MIPOL1: variants seen among roughly 807,000 people sequenced by gnomAD.
MIPOL1 encodes the protein mirror-image polydactyly gene 1 protein.
MIPOL1 carries 57 observed loss-of-function variants against 60.9 expected under a neutral mutation model. The observed-to-expected ratio is 0.94, with a 90% CI of 0.76 to 1.17. MIPOL1 has a LOEUF of 1.17. Among genes scored for constraint, MIPOL1 ranks in the 50% most tolerant of loss-of-function variants. The pLI is 0.00. For missense variants in MIPOL1, 551 were observed against 511.6 expected, an observed-to-expected ratio of 1.08 and a Z score of -0.74; for synonymous variants, 179 against 168.8, an observed-to-expected ratio of 1.06 and a Z score of -0.47.
chr14:37,521,117 A>G (rs1277274221), intron 12 of MIPOL1, among the ~76,000 whole-genome samples: 1 of 151,574 alleles, frequency 6.6e-6, no homozygotes, highest in Non-Finnish European at 1.5e-5. Flanking sequence ...TTGTATTTTT[A>G]GTAGAGACAA....
intron 12 of MIPOL1, among the ~76,000 whole-genome samples, chr14:37,519,253 T>G (rs2095394444): frequency 6.6e-6 from 1 of 152,132 alleles, no homozygotes; most frequent in South Asian, 2.1e-4. Context: ...GACATAGGGA[T>G]TTAGGATAGC....
chr14:37,286,959 A>C (rs1264409307), intron 7 of MIPOL1, among the ~76,000 whole-genome samples: 1 of 152,148 alleles, frequency 6.6e-6, no homozygotes, highest in Non-Finnish European at 1.5e-5. Flanking sequence ...AAATCAATTC[A>C]TTCTCTATAT....
At chr14:37,427,165 G>A (rs2093981414) in intron 11 of MIPOL1, among the ~76,000 whole-genome samples, 1 of 152,168 alleles carries the variant, frequency 6.6e-6, no homozygotes, top group African/African-American at 2.4e-5. Flanking sequence ...CCACCCAAGT[G>A]TCCCTCAGCA....
At chr14:37,496,957 T>C (rs1475256399) in intron 11 of MIPOL1, among the ~76,000 whole-genome samples, 2 of 151,624 alleles carry the variant, frequency 1.3e-5, no homozygotes, top group Admixed American at 6.6e-5. Flanking sequence ...AACAGAGATA[T>C]AGATCAATGG....
chr14:37,308,691 C>T (rs573694018), intron 9 of MIPOL1, among the ~76,000 whole-genome samples, 172 bp downstream of exon 9: 14 of 152,194 alleles, frequency 9.2e-5, no homozygotes, highest in Admixed American at 5.2e-4. Flanking sequence ...TATTATACTA[C>T]TGTTCAAAAT....
chr14:37,534,078 CAAAAAAA>C (rs564604002), intron 12 of MIPOL1, among the ~76,000 whole-genome samples: 2 of 69,468 alleles, frequency 2.9e-5, no homozygotes, highest in Admixed American at 1.6e-4. Flanking sequence ...GACTCCATCT[CAAAAAAA>C]AAAAAAAAAA....
chr14:37,256,624 T>C (rs1381012996), intron 3 of MIPOL1, among the ~76,000 whole-genome samples: 2 of 151,946 alleles, frequency 1.3e-5, no homozygotes, highest in African/African-American at 4.8e-5. Context: ...ATTGCTTATA[T>C]TTTATAATCA....
At chr14:37,216,638 A>G (rs1001844219) in intron 1 of MIPOL1, among the ~76,000 whole-genome samples, 6 of 152,226 alleles carry the variant, frequency 3.9e-5, no homozygotes. Flanking sequence ...TGAATTTTGG[A>G]AACTGGACAA....
At chr14:37,501,025 A>T (rs2095208129) in intron 12 of MIPOL1, among the ~76,000 whole-genome samples, 1 of 152,304 alleles carries the variant, frequency 6.6e-6, no homozygotes, top group East Asian at 1.9e-4. Flanking sequence ...TTATTTGAAA[A>T]TGTCATCTTG....
rs575723732 is a variant in MIPOL1 at position 37,512,631 on chromosome 14, C to G, written c.1262+12493C>G. Among the ~76,000 whole-genome samples the G allele has an allele frequency of 2.6e-5, 4 of 151,860 alleles. No homozygotes were observed. In the East Asian group the frequency reaches 5.8e-4, roughly 22 times the overall value. On this transcript the variant is annotated intron_variant, in intron 12 of 12. Coordinates refer to ENST00000684589, the MANE Select transcript of MIPOL1 (RefSeq NM_001388067.1). The stretch of plus-strand genomic sequence containing the variant: ...GAATTTTTTTTTATAATTTCATTGT[C>G]TTTTCATTAAAATTATTCTAGTTCT...
intron 12 of MIPOL1, among the ~76,000 whole-genome samples, chr14:37,545,437 G>T (rs562718317): frequency 6.6e-6 from 1 of 152,282 alleles, no homozygotes; most frequent in Middle Eastern, 3.4e-3. Context: ...AGACTAATCT[G>T]AGAATACAGT....
intron 11 of MIPOL1, among the ~76,000 whole-genome samples, chr14:37,484,474 A>G (rs2094917906): frequency 6.6e-6 from 1 of 150,836 alleles, no homozygotes; most frequent in South Asian, 2.1e-4. Flanking sequence ...AGTAGCTGGG[A>G]CTACAGGAGT....
chr14:37,469,203 C>T (rs1344204656), intron 11 of MIPOL1, among the ~76,000 whole-genome samples: 1 of 152,096 alleles, frequency 6.6e-6, no homozygotes, highest in African/African-American at 2.4e-5. Context: ...CACAGTTCTG[C>T]AGGCTGTGTA....
chr14:37,384,110 T>A (rs2153513354), intron 10 of MIPOL1, among the ~76,000 whole-genome samples: 1 of 152,032 alleles, frequency 6.6e-6, no homozygotes, highest in East Asian at 1.9e-4. Flanking sequence ...CAGAGTATAG[T>A]GGACTCAGTT....
At chr14:37,255,298 C>G (rs1353204114) in intron 3 of MIPOL1, among the ~76,000 whole-genome samples, 1 of 151,660 alleles carries the variant, frequency 6.6e-6, no homozygotes, top group Non-Finnish European at 1.5e-5. Context: ...TTTAGGAGAC[C>G]TGGATCAATA....
At chr14:37,223,499 T>TTTTG (rs891571574) in intron 1 of MIPOL1, among the ~76,000 whole-genome samples, 7 of 151,958 alleles carry the variant, frequency 4.6e-5, no homozygotes, top group Non-Finnish European at 8.8e-5. Flanking sequence ...CTCCTGGGTT[T>TTTTG]TTTGTTTGTT....
chr14:37,499,773 A>G (rs1253578948), intron 11 of MIPOL1, 135 bp from the exon 12 acceptor site: 1 of 487,034 alleles, frequency 2.1e-6, no homozygotes, highest in Non-Finnish European at 3.7e-6. Context: ...TGACATAAAA[A>G]TTATTTTCAT....
intron 12 of MIPOL1, among the ~76,000 whole-genome samples, chr14:37,536,922 A>G (rs191417949): frequency 4.3e-4 from 66 of 152,346 alleles, no homozygotes; most frequent in Admixed American, 1.3e-3. Flanking sequence ...CAATGTGTAC[A>G]TAAGTATTGA....
rs781145467 is a variant in MIPOL1, at chr14:37,422,901, A to G, written c.983A>G (p.Gln328Arg). Residue 328 changes from glutamine to arginine, a missense_variant, in exon 11 of 13, where the codon CAG becomes CGG. Gln to Arg is a conservative substitution (Grantham distance 43, BLOSUM62 1). Transcript: ENST00000684589. The part of the protein sequence containing the change: ...MQQARETAVQ[Q>R]YKKLEEEIQT... The stretch of plus-strand genomic sequence containing the variant: ...CAAGCCAGAGAAACTGCAGTTCAAC[A>G]GTACAAAAAACTGGAAGAGGAAATC... The G allele has an allele frequency of 1.2e-6, 2 of 1,609,620 alleles. No homozygotes were observed. The highest frequency in any genetic ancestry group is 1.6e-4 in the Middle Eastern group (1 of 6,072).
Sources: allele counts gnomAD v4.1 joint callset (sites outside exome capture counted in the v4.1 genomes callset), GRCh38; gene constraint gnomAD v4.1.1; transcripts MANE v1.5; gene names NCBI Gene and HGNC (gene_info 2026-07-23, HGNC 2026-07-21).